Variants in CFAP54 observed in about 807,000 individuals in gnomAD.
CFAP54 encodes cilia- and flagella-associated protein 54.
In CFAP54, 290 loss-of-function variants were observed where a neutral mutation model predicts 370.4. The ratio of observed to expected loss-of-function variants is 0.78; its 90% CI spans 0.71 to 0.86. The LOEUF (loss-of-function observed/expected upper bound fraction) is 0.86, where lower values mean the gene tolerates loss of function less well. Ranked by LOEUF, CFAP54 falls within the 40% of genes least tolerant of loss-of-function variation. The pLI, the probability that CFAP54 is intolerant of heterozygous loss-of-function variation, is 0.00. For synonymous variants in CFAP54, 1,206 were observed against 1,236.5 expected (o/e 0.98, Z 0.52); for missense variants, 3,399 against 3,528.7 (o/e 0.96, Z 0.93).
rs555410904 is a variant in CFAP54 at position 96,672,626 on chromosome 12, C to T, written c.5564-6974C>T. Among the ~76,000 whole-genome samples, 17 of 152,214 alleles carry T rather than the reference C, an allele frequency of 1.1e-4. No homozygotes were observed. The South Asian group carries it at 3.3e-3, about 30-fold the overall frequency. On this transcript the variant is annotated intron_variant, in intron 39 of 67. Coordinates refer to ENST00000524981, the MANE Select transcript of CFAP54 (RefSeq NM_001306084.2). ...TAGTCAGAAACAATGGGAAGACCACCTTCTTATGGTCAATCATGTGTGATG... is the reference window on the plus strand; with the variant it reads ...TAGTCAGAAACAATGGGAAGACCACTTTCTTATGGTCAATCATGTGTGATG...
intron 47 of CFAP54, among the ~76,000 whole-genome samples, chr12:96,708,316 T>C (rs963191022): frequency 1.3e-5 from 2 of 152,126 alleles, no homozygotes; most frequent in Non-Finnish European, 2.9e-5. Context: ...TCTATTTTGA[T>C]AAAGAATCCC....
At chr12:96,767,521 T>G (rs2136674691) in intron 60 of CFAP54, among the ~76,000 whole-genome samples, 1 of 152,332 alleles carries the variant, frequency 6.6e-6, no homozygotes, top group Non-Finnish European at 1.5e-5. Context: ...ACTACGAAAT[T>G]ACCAAATTTT....
intron 20 of CFAP54, among the ~76,000 whole-genome samples, chr12:96,579,667 C>T (rs1366567040): frequency 6.6e-6 from 1 of 152,030 alleles, no homozygotes; most frequent in Non-Finnish European, 1.5e-5. Flanking sequence ...CCCCTATAAC[C>T]CTCAGCAGTA....
intron 26 of CFAP54, among the ~76,000 whole-genome samples, chr12:96,611,712 A>G (rs1956360397): frequency 6.6e-6 from 1 of 152,232 alleles, no homozygotes; most frequent in Non-Finnish European, 1.5e-5. Flanking sequence ...GGAGCTGAAA[A>G]CCATGACACG....
intron 5 of CFAP54, among the ~76,000 whole-genome samples, chr12:96,514,224 T>C (rs1955205741): frequency 1.3e-5 from 2 of 152,220 alleles, no homozygotes; most frequent in South Asian, 4.1e-4. Flanking sequence ...AGGAGAGATA[T>C]GTTTTTTCTT....
rs150393664 is a variant in CFAP54 at position 96,863,915 on chromosome 12, GT to G, written c.*14+2966del. Among the ~76,000 whole-genome samples, 1,040 of 152,104 alleles carry G rather than the reference GT, an allele frequency of 6.8e-3. 9 individuals carry two copies. The highest frequency in any genetic ancestry group is 0.023 in the African/African-American group (964 of 41,494). The stretch of plus-strand genomic sequence containing the variant: ...AACTGCACCAGACCATACAGTAACA[GT>G]TTCCCCGTTTTAAACCATCATTCCA... On this transcript the variant is annotated intron_variant, in intron 67 of 67. Coordinates refer to ENST00000524981, the MANE Select transcript of CFAP54 (RefSeq NM_001306084.2).
At chr12:96,862,701 C>T (rs1959907796) in intron 67 of CFAP54, among the ~76,000 whole-genome samples, 1 of 152,164 alleles carries the variant, frequency 6.6e-6, no homozygotes, top group Admixed American at 6.5e-5. Context: ...TGCATGATGT[C>T]TATACCCTCA....
intron 48 of CFAP54, among the ~76,000 whole-genome samples, chr12:96,715,657 C>T (rs1289573899): frequency 6.6e-6 from 1 of 152,070 alleles, no homozygotes; most frequent in Non-Finnish European, 1.5e-5. Flanking sequence ...CTCATATATT[C>T]TCAGGAATAT....
intron 40 of CFAP54, 90 bp downstream of exon 40, chr12:96,679,842 C>A: frequency 7.6e-7 from 1 of 1,320,492 alleles, no homozygotes; most frequent in Non-Finnish European, 1.1e-6. Flanking sequence ...ATTCTTCCCT[C>A]CCCGTGTACA....
chr12:96,682,110 T>C (rs1334650760), intron 40 of CFAP54: 2 of 928,906 alleles, frequency 2.2e-6, no homozygotes, highest in Non-Finnish European at 2.6e-6. Context: ...CATTTTAAAT[T>C]GATTTATTAT....
At chr12:96,664,786 T>G (rs1304071220) in intron 39 of CFAP54, among the ~76,000 whole-genome samples, 338 of 26,676 alleles carry the variant, frequency 0.013, 14 homozygotes, top group African/African-American at 0.057. Flanking sequence ...TCTATATATA[T>G]ATATATATAT....
chr12:96,675,201 C>T (rs1305010142), intron 39 of CFAP54, among the ~76,000 whole-genome samples: 5 of 151,588 alleles, frequency 3.3e-5, no homozygotes, highest in Admixed American at 6.6e-5. Context: ...GACAAAGGGC[C>T]AATATCCAGA....
At chr12:96,871,837 T>G (rs536161985) in intron 67 of CFAP54, among the ~76,000 whole-genome samples, 285 of 152,156 alleles carry the variant, frequency 1.9e-3, no homozygotes, top group Non-Finnish European at 3.2e-3. Flanking sequence ...TCTGGACAGA[T>G]CAGTAGAAAT....
At chr12:96,567,048 A>G (rs973984897) in intron 19 of CFAP54, among the ~76,000 whole-genome samples, 2 of 152,206 alleles carry the variant, frequency 1.3e-5, no homozygotes, top group African/African-American at 2.4e-5. Context: ...TTAAGGAAAC[A>G]TCCAGGAGAA....
intron 55 of CFAP54, among the ~76,000 whole-genome samples, chr12:96,752,035 G>A (rs1958189495): frequency 6.7e-6 from 1 of 148,192 alleles, no homozygotes; most frequent in Non-Finnish European, 1.5e-5. Flanking sequence ...TCATCAGTGT[G>A]CTGCCATCCC....
chr12:96,625,679 C>T (rs948706712), intron 28 of CFAP54, 39 bp from the exon 29 acceptor site: 1 of 1,356,928 alleles, frequency 7.4e-7, no homozygotes, highest in Non-Finnish European at 9.9e-7. Flanking sequence ...TTTTGCGTTA[C>T]TAAACAGAAC....
At chr12:96,493,512 G>A (rs1275044009) in intron 1 of CFAP54, among the ~76,000 whole-genome samples, 8 of 152,140 alleles carry the variant, frequency 5.3e-5, no homozygotes, top group Non-Finnish European at 4.4e-5. Flanking sequence ...TGGTAATTTA[G>A]GAATGATAAA....
chr12:96,606,893 T>A (rs1429990302), intron 26 of CFAP54, among the ~76,000 whole-genome samples: 2 of 152,164 alleles, frequency 1.3e-5, no homozygotes, highest in East Asian at 3.9e-4. Context: ...TCAAAGAACG[T>A]CCATATCTGC....
chr12:96,577,181 G>T (rs891600157), intron 20 of CFAP54, among the ~76,000 whole-genome samples: 4 of 152,186 alleles, frequency 2.6e-5, no homozygotes, highest in African/African-American at 9.6e-5. Flanking sequence ...AAATTTAGGG[G>T]TGATGAGTCT....
Sources: allele counts gnomAD v4.1 joint callset (sites outside exome capture counted in the v4.1 genomes callset), GRCh38; gene constraint gnomAD v4.1.1; transcripts MANE v1.5; gene names NCBI Gene and HGNC (gene_info 2026-07-23, HGNC 2026-07-21).